Variants in VDR observed in about 807,000 individuals in gnomAD.
VDR encodes the protein vitamin D receptor, also known as vitamin D3 receptor.
VDR carries 19 observed loss-of-function variants against 39.7 expected under a neutral mutation model. The ratio of observed to expected loss-of-function variants is 0.48; its 90% CI spans 0.33 to 0.70. The LOEUF is 0.70. Among genes scored for constraint, VDR ranks in the 30% least tolerant of loss-of-function variants. The probability of loss-of-function intolerance (pLI) is 0.02; values close to 1 mark genes in which losing one functional copy is unlikely to be tolerated. For synonymous variants in VDR, 242 were observed against 215.8 expected (o/e 1.12, Z -1.07); for missense variants, 442 against 570.5 (o/e 0.77, Z 2.29).
At chr12:47,888,608 C>A (rs1318389178) in intron 1 of VDR, among the ~76,000 whole-genome samples, 7 of 152,214 alleles carry the variant, frequency 4.6e-5, no homozygotes, top group African/African-American at 1.7e-4. Flanking sequence ...AGGTAACAGG[C>A]AGGCTATGCC....
rs1945587994 is a variant in VDR at position 47,859,923 on chromosome 12, T to TCCTTC, written c.278-2236_278-2235insGAAGG. ...CTTCCTTCCTTCCTTCCTTCTTTCTTTTTCTTTCTTTCTTTCTTTCTTTCT... is the reference window on the plus strand; with the variant it reads ...CTTCCTTCCTTCCTTCCTTCTTTCTTCCTTCTTTCTTTCTTTCTTTCTTTCTTTCT... On this transcript the variant is annotated intron_variant, in intron 4 of 9. Coordinates refer to ENST00000549336, the MANE Select transcript of VDR (RefSeq NM_000376.3). Among the ~76,000 whole-genome samples, 126 of 50,934 alleles carry TCCTTC rather than the reference T, an allele frequency of 2.5e-3. 3 individuals are homozygous for TCCTTC. Among genetic ancestry groups the TCCTTC allele is most frequent in the East Asian group, 5.7e-3 (12 of 2,116 alleles). The allele number at this position is 50,934 out of a possible 152,430, so 33.4% of individuals were successfully genotyped here.
chr12:47,878,807 A>G, intron 3 of VDR, 161 bp downstream of exon 3: 4 of 1,098,942 alleles, frequency 3.6e-6, no homozygotes, highest in Non-Finnish European at 5.3e-6. Context: ...AAAAGAAGAT[A>G]CCACTCACCA....
At position 47,844,718 on chromosome 12, in the gene VDR, A is replaced by G; in HGVS notation, c.*28T>C. 5 of 1,613,308 alleles carry G rather than the reference A, an allele frequency of 3.1e-6. No homozygotes were observed. The highest frequency in any genetic ancestry group is 4.2e-6 in the Non-Finnish European group (5 of 1,179,768). Reference sequence around the variant, plus strand: ...CACGTGGCCCTGGAGGAGCAGCCCCACCCAGGCACCGCCACAGGCTGTCCT... The same window carrying G: ...CACGTGGCCCTGGAGGAGCAGCCCCGCCCAGGCACCGCCACAGGCTGTCCT... On this transcript the variant is annotated 3_prime_UTR_variant, in exon 10 of 10. Coordinates refer to ENST00000549336, the MANE Select transcript of VDR (RefSeq NM_000376.3).
chr12:47,869,072 G>C (rs1007924650), intron 3 of VDR, among the ~76,000 whole-genome samples: 5 of 152,140 alleles, frequency 3.3e-5, no homozygotes, highest in Admixed American at 3.3e-4. Flanking sequence ...CTTGGGGGCA[G>C]CCCCCCCAGC....
rs926716624 is a variant in VDR at position 47,842,445 on chromosome 12, A to C, written c.*2301T>G. 3.3e-5 allele frequency: 5 copies of C among 152,156 alleles called. No homozygotes were observed. The highest frequency in any genetic ancestry group is 1.2e-4 in the African/African-American group (5 of 41,382). The allele number at this position is 152,156 out of a possible 1,614,324, so 9.4% of individuals were successfully genotyped here. A position where few individuals can be genotyped will look rare whatever the true frequency, so the allele number is the denominator to read the frequency against. The stretch of plus-strand genomic sequence containing the variant: ...GTAGTGAAAAGGACACCGGACCATG[A>C]CTCCAAAATCTGGTCCTGTCCTGGT... On this transcript the variant is annotated 3_prime_UTR_variant, in exon 10 of 10. Transcript: ENST00000549336.
intron 7 of VDR, among the ~76,000 whole-genome samples, chr12:47,848,755 C>T (rs972939894): frequency 6.6e-6 from 1 of 151,588 alleles, no homozygotes; most frequent in Non-Finnish European, 1.5e-5. Context: ...TTAGTAGAGA[C>T]GGGGTTTCGC....
intron 1 of VDR, among the ~76,000 whole-genome samples, chr12:47,903,010 G>A (rs574237036): frequency 3.5e-4 from 54 of 152,308 alleles, no homozygotes; most frequent in African/African-American, 1.3e-3. Flanking sequence ...GAAGAATACT[G>A]AGAAACCATA....
At chr12:47,860,220 C>A (rs1451789131) in intron 4 of VDR, among the ~76,000 whole-genome samples, 1 of 152,162 alleles carries the variant, frequency 6.6e-6, no homozygotes, top group Non-Finnish European at 1.5e-5. Context: ...CCCGCCTTGG[C>A]CTCCCAAAGT....
chr12:47,861,937 A>G (rs1203702283), intron 4 of VDR, among the ~76,000 whole-genome samples: 1 of 152,244 alleles, frequency 6.6e-6, no homozygotes. Context: ...CGGCACAGAC[A>G]TGATCAGGTT....
chr12:47,882,140 G>A (rs572569758), intron 2 of VDR, among the ~76,000 whole-genome samples: 1 of 152,214 alleles, frequency 6.6e-6, no homozygotes, highest in Non-Finnish European at 1.5e-5. Context: ...CTGCAATGGG[G>A]TGGGGTGCTG....
chr12:47,870,887 A>G (rs532609000), intron 3 of VDR, among the ~76,000 whole-genome samples: 1 of 152,328 alleles, frequency 6.6e-6, no homozygotes, highest in Admixed American at 6.5e-5. Context: ...ATAGCAGAAC[A>G]TCGAGTTGTG....
chr12:47,881,751 C>T (rs1179327240), intron 2 of VDR, among the ~76,000 whole-genome samples: 1 of 152,112 alleles, frequency 6.6e-6, no homozygotes, highest in African/African-American at 2.4e-5. Context: ...TCAACATTGT[C>T]CCCAAAGACC....
intron 3 of VDR, among the ~76,000 whole-genome samples, chr12:47,870,476 G>C (rs182697518): frequency 2.0e-5 from 3 of 152,308 alleles, no homozygotes; most frequent in East Asian, 1.9e-4. Context: ...GCTCAGGAAG[G>C]GGGGGTAGGG....
At chr12:47,845,459 C>T (rs189336741) in intron 9 of VDR, among the ~76,000 whole-genome samples, 1 of 152,086 alleles carries the variant, frequency 6.6e-6, no homozygotes, top group African/African-American at 2.4e-5. Context: ...ACCACGTCAG[C>T]TTCCCTCCTT....
chr12:47,873,286 C>G (rs1171298994), intron 3 of VDR, among the ~76,000 whole-genome samples: 2 of 151,520 alleles, frequency 1.3e-5, no homozygotes, highest in Non-Finnish European at 2.9e-5. Flanking sequence ...TTACCTTCCG[C>G]CATGATTGTA....
intron 1 of VDR, among the ~76,000 whole-genome samples, chr12:47,891,721 C>T (rs1946372216): frequency 2.0e-5 from 3 of 152,236 alleles, no homozygotes; most frequent in Non-Finnish European, 4.4e-5. Context: ...ACCACCCTTA[C>T]AGCCATCATC....
intron 1 of VDR, chr12:47,898,451 C>T (rs933341698): frequency 6.6e-6 from 1 of 152,062 alleles, no homozygotes; most frequent in African/African-American, 2.4e-5. Context: ...TGTTTGGCAC[C>T]CTATAGCAAT....
At chr12:47,858,280 G>T (rs1028493576) in intron 4 of VDR, among the ~76,000 whole-genome samples, 2 of 152,208 alleles carry the variant, frequency 1.3e-5, no homozygotes, top group Non-Finnish European at 2.9e-5. Flanking sequence ...AGCTCTCATA[G>T]CGCTGGAAGT....
chr12:47,889,864 C>T (rs78463064), intron 1 of VDR, among the ~76,000 whole-genome samples: 3,851 of 152,212 alleles, frequency 0.025, 174 homozygotes, highest in African/African-American at 0.087. Flanking sequence ...AAGCTGCTTC[C>T]AAGCCACTCC....
Sources: gnomAD v4.1 joint callset for allele counts (sites outside exome capture counted in the v4.1 genomes callset) on GRCh38, gnomAD v4.1.1 for gene constraint, MANE v1.5 for transcripts, NCBI Gene and HGNC (gene_info 2026-07-23, HGNC 2026-07-21) for gene names.